Variants in ACO1 observed in about 807,000 individuals in gnomAD.
The protein encoded by ACO1 is cytoplasmic aconitate hydratase.
In ACO1, 78 loss-of-function variants were observed where a neutral mutation model predicts 105.1. That is an observed-to-expected ratio of 0.74 (90% CI 0.62 to 0.90). The LOEUF is 0.90. Among genes scored for constraint, ACO1 ranks in the 40% least tolerant of loss-of-function variants. The probability of loss-of-function intolerance (pLI) is 0.00; values close to 1 mark genes in which losing one functional copy is unlikely to be tolerated. For missense variants in ACO1, 965 were observed against 1,111.1 expected (o/e 0.87, Z 1.87); for synonymous variants, 364 against 397.4 (o/e 0.92, Z 1.00).
At chr9:32,446,451 T>A (rs1019200708) in intron 19 of ACO1, among the ~76,000 whole-genome samples, 1 of 152,202 alleles carries the variant, frequency 6.6e-6, no homozygotes, top group East Asian at 1.9e-4. Flanking sequence ...TAAATCTTCC[T>A]CCATCCCTTT....
intron 1 of ACO1, among the ~76,000 whole-genome samples, chr9:32,392,576 A>G (rs1376456078): frequency 2.0e-5 from 3 of 152,184 alleles, no homozygotes; most frequent in African/African-American, 7.2e-5. Context: ...CCCTGCCCGC[A>G]GGAGATCTTA....
chr9:32,440,267 CAAA>C (rs1196425192), intron 18 of ACO1, among the ~76,000 whole-genome samples, 195 bp from the exon 19 acceptor site: 1 of 122,534 alleles, frequency 8.2e-6, no homozygotes. Context: ...AACTCTATCT[CAAA>C]AAAAAAAAAA....
rs1303264650 is a variant in ACO1 at position 32,431,859 on chromosome 9, G to A, written c.1851+16G>A. On this transcript the variant is annotated intron_variant, in intron 15 of 20. Coordinates refer to ENST00000309951, the MANE Select transcript of ACO1 (RefSeq NM_002197.3). ...GAAAATAGAGGTGAGGTCCCACACTGCCCTCCCCGCCCCAGAGGATCTAAG... is the reference window on the plus strand; with the variant it reads ...GAAAATAGAGGTGAGGTCCCACACTACCCTCCCCGCCCCAGAGGATCTAAG... 6.2e-7 allele frequency: 1 copy of A among 1,613,252 alleles called. No individual in the cohort carries two copies. Among genetic ancestry groups the A allele is most frequent in the African/African-American group, 1.3e-5 (1 of 74,846 alleles).
In ACO1 at chr9:32,408,702, G is replaced by A. The variant is rs759834876; in HGVS notation, c.404+51G>A. 10 of 1,583,874 alleles carry A rather than the reference G, an allele frequency of 6.3e-6. No individual in the cohort carries two copies. The African/African-American group carries it at 1.2e-4, about 19-fold the overall frequency. On this transcript the variant is annotated intron_variant, in intron 4 of 20. Coordinates refer to ENST00000309951, the MANE Select transcript of ACO1 (RefSeq NM_002197.3). ...GTGTTCTGCTTTGTGCAAAATCTTT[G>A]AACACGAATCTTTTTAAAATGTGTA...
intron 4 of ACO1, among the ~76,000 whole-genome samples, chr9:32,414,274 C>T (rs1025577618): frequency 1.3e-5 from 2 of 152,228 alleles, no homozygotes; most frequent in African/African-American, 4.8e-5. Context: ...AACTGAACTA[C>T]ATTCAATTCT....
At chr9:32,418,075 C>A (rs983881085) in intron 4 of ACO1, 53 bp from the exon 5 acceptor site, 1 of 1,520,420 alleles carries the variant, frequency 6.6e-7, no homozygotes, top group Non-Finnish European at 9.1e-7. Context: ...ATAAATTTGA[C>A]CACTAATATG....
At chr9:32,390,048 T>C (rs1821236052) in intron 1 of ACO1, among the ~76,000 whole-genome samples, 1 of 152,240 alleles carries the variant, frequency 6.6e-6, no homozygotes, top group Admixed American at 6.5e-5. Context: ...TCCGCCTGCC[T>C]CAGCCTCCTG....
At chr9:32,437,551 A>C (rs1003104618) in intron 18 of ACO1, among the ~76,000 whole-genome samples, 1 of 152,160 alleles carries the variant, frequency 6.6e-6, no homozygotes, top group African/African-American at 2.4e-5. Flanking sequence ...AGTTATAGAC[A>C]TTGGGGGACC....
At chr9:32,391,203 T>C (rs1452354331) in intron 1 of ACO1, among the ~76,000 whole-genome samples, 1 of 152,148 alleles carries the variant, frequency 6.6e-6, no homozygotes, top group Non-Finnish European at 1.5e-5. Flanking sequence ...CAGACAGACA[T>C]TGTTACCTAA....
intron 1 of ACO1, among the ~76,000 whole-genome samples, chr9:32,395,539 T>A (rs1384597649): frequency 2.0e-5 from 3 of 152,016 alleles, no homozygotes; most frequent in Admixed American, 2.0e-4. Flanking sequence ...TATCTGCAGG[T>A]GTCATGTACT....
chr9:32,384,756 A>G (rs922722594), intron 1 of ACO1, 21 bp downstream of exon 1: 6 of 376,846 alleles, frequency 1.6e-5, no homozygotes, highest in Non-Finnish European at 1.1e-5. Flanking sequence ...ACGCGGCCCG[A>G]CCCACGTCCC....
intron 8 of ACO1, among the ~76,000 whole-genome samples, chr9:32,422,300 C>T (rs1821992722): frequency 6.6e-6 from 1 of 152,136 alleles, no homozygotes; most frequent in South Asian, 2.1e-4. Context: ...TCATAGTAAA[C>T]CCTAAGAAAG....
At chr9:32,400,250 T>C (rs7034950) in intron 1 of ACO1, among the ~76,000 whole-genome samples, 126,125 of 151,942 alleles carry the variant, frequency 0.83, 52,480 homozygotes, top group Middle Eastern at 0.93. Flanking sequence ...GGATTACAGG[T>C]GTAAGCCACT....
intron 2 of ACO1, 52 bp downstream of exon 2, chr9:32,405,655 G>A (rs774068800): frequency 7.7e-7 from 1 of 1,303,138 alleles, no homozygotes; most frequent in Non-Finnish European, 1.1e-6. Flanking sequence ...CAATGATTAG[G>A]CTATGTAATT....
At chr9:32,407,026 C>T (rs1324728786) in intron 2 of ACO1, among the ~76,000 whole-genome samples, 1 of 152,198 alleles carries the variant, frequency 6.6e-6, no homozygotes, top group Non-Finnish European at 1.5e-5. Context: ...TCATGATCCG[C>T]CCGCCTCAGC....
At chr9:32,409,022 T>A (rs1025772680) in intron 4 of ACO1, among the ~76,000 whole-genome samples, 6 of 152,168 alleles carry the variant, frequency 3.9e-5, no homozygotes. Context: ...CTTTTTTTGA[T>A]CCCAAGTAAC....
At chr9:32,449,125 C>T (rs751472912) in intron 20 of ACO1, 44 bp downstream of exon 20, 2 of 1,531,664 alleles carry the variant, frequency 1.3e-6, no homozygotes, top group South Asian at 2.6e-5. Context: ...GAAAGGGGCC[C>T]CCTCGTTTGT....
rs1251759988 is a variant in ACO1, at chr9:32,429,239, CTTATG to C, written c.1485-175_1485-171del. ...ATAAGTTAAAAATATGAATAGTATT[CTTATG>C]TTATATATCAGAATGCTCTCAAGAA... On this transcript the variant is annotated intron_variant, in intron 12 of 20. Coordinates refer to ENST00000309951, the MANE Select transcript of ACO1 (RefSeq NM_002197.3). 4.6e-5 allele frequency among the ~76,000 whole-genome samples: 7 copies of C among 152,032 alleles called. No homozygotes were observed. In the East Asian group the frequency reaches 7.7e-4, roughly 17 times the overall value.
chr9:32,440,692 G>A (rs1346856392), intron 19 of ACO1, 105 bp downstream of exon 19: 12 of 1,437,814 alleles, frequency 8.3e-6, no homozygotes, highest in South Asian at 8.2e-5. Context: ...TCAAGGAAGA[G>A]CAAGCTCAAA....
Sources: allele counts gnomAD v4.1 joint callset (sites outside exome capture counted in the v4.1 genomes callset), GRCh38; gene constraint gnomAD v4.1.1; transcripts MANE v1.5; gene names NCBI Gene and HGNC (gene_info 2026-07-23, HGNC 2026-07-21).